The following PPM1H variants were observed in gnomAD, a reference collection of about 807,000 sequenced individuals.
PPM1H encodes protein phosphatase 1H.
A neutral mutation model predicts 54.9 loss-of-function variants in PPM1H; 27 were observed. The observed-to-expected ratio is 0.49, with a 90% CI of 0.36 to 0.68. The LOEUF (loss-of-function observed/expected upper bound fraction) is 0.68. Ranked by LOEUF, PPM1H falls within the 30% of genes least tolerant of loss-of-function variation. The pLI, the probability that PPM1H is intolerant of heterozygous loss-of-function variation, is 0.00. For missense variants in PPM1H, 596 were observed against 667.8 expected, an observed-to-expected ratio of 0.89 and a Z score of 1.19; for synonymous variants, 305 against 270.8, an observed-to-expected ratio of 1.13 and a Z score of -1.24.
intron 1 of PPM1H, among the ~76,000 whole-genome samples, chr12:62,875,447 T>C (rs990543087): frequency 1.3e-5 from 2 of 152,162 alleles, no homozygotes; most frequent in African/African-American, 4.8e-5. Context: ...AGAAAGAGGA[T>C]GGCGAGGAAA....
intron 1 of PPM1H, among the ~76,000 whole-genome samples, chr12:62,898,174 A>G (rs749874392): frequency 1.3e-5 from 2 of 152,254 alleles, no homozygotes; most frequent in Non-Finnish European, 2.9e-5. Context: ...CAATGGATGC[A>G]TAATAGATGC....
At chr12:62,888,210 AC>A (rs1436296708) in intron 1 of PPM1H, among the ~76,000 whole-genome samples, 1 of 152,196 alleles carries the variant, frequency 6.6e-6, no homozygotes, top group Non-Finnish European at 1.5e-5. Context: ...CACTTCATCA[AC>A]TAGGTGGATG....
intron 4 of PPM1H, among the ~76,000 whole-genome samples, chr12:62,740,815 C>A (rs370851448): frequency 6.6e-6 from 1 of 152,172 alleles, no homozygotes. Context: ...AGCATTACAC[C>A]AAATGTGAAG....
chr12:62,878,289 A>G lies in PPM1H; in HGVS notation c.246-46010T>C, dbSNP rs559148838. ...AAAATGTTACCTATACTGAAAAGGA[A>G]ACATGTTCTTCATCCCCGCTTTGAC... is the stretch of plus-strand genomic sequence containing the variant. On this transcript the variant is annotated intron_variant, in intron 1 of 9. Transcript: ENST00000228705. 3.3e-5 allele frequency among the ~76,000 whole-genome samples: 5 copies of G among 152,294 alleles called. No homozygotes were observed. The South Asian group carries it at 1.0e-3, about 32-fold the overall frequency.
At chr12:62,873,090 T>G (rs984675718) in intron 1 of PPM1H, among the ~76,000 whole-genome samples, 1 of 152,212 alleles carries the variant, frequency 6.6e-6, no homozygotes, top group Non-Finnish European at 1.5e-5. Context: ...ACAGACCTGG[T>G]TAGTGGCAGG....
intron 1 of PPM1H, among the ~76,000 whole-genome samples, chr12:62,930,806 T>G (rs961019583): frequency 6.6e-6 from 1 of 151,486 alleles, no homozygotes; most frequent in Non-Finnish European, 1.5e-5. Flanking sequence ...TGCATGTTTT[T>G]AGAAAGATTT....
Position 62,934,439 on chromosome 12 carries a change from G to T in PPM1H, c.245+53C>A. 5.4e-6 allele frequency: 8 copies of T among 1,489,060 alleles called. No homozygotes were observed. Among genetic ancestry groups the T allele is most frequent in the Non-Finnish European group, 7.1e-6 (8 of 1,121,082 alleles). 92.2% of individuals were successfully genotyped at this position (1,489,060 alleles called of 1,614,324 possible). A position where few individuals can be genotyped will look rare whatever the true frequency, so the allele number is the denominator to read the frequency against. On this transcript the variant is annotated intron_variant, in intron 1 of 9. Coordinates refer to ENST00000228705, the MANE Select transcript of PPM1H (RefSeq NM_020700.2). This position sits in a 1 kb window ranked among gnomAD's most constrained non-coding sequence, Gnocchi z 4.2. The stretch of plus-strand genomic sequence containing the variant: ...AGGGAGAGAAGAGGGCTGGAACCGT[G>T]CGGGGAAGGGCCGCGAGGAGAGCAG...
At chr12:62,793,094 C>G (rs1243493532) in intron 3 of PPM1H, among the ~76,000 whole-genome samples, 1 of 152,128 alleles carries the variant, frequency 6.6e-6, no homozygotes, top group African/African-American at 2.4e-5. Context: ...TTTAGAATAT[C>G]TCCCTATTTT....
chr12:62,790,664 G>C (rs1300468905), intron 3 of PPM1H, among the ~76,000 whole-genome samples: 1 of 152,148 alleles, frequency 6.6e-6, no homozygotes, highest in Non-Finnish European at 1.5e-5. Flanking sequence ...GGAGAGAGCT[G>C]GGTAAGAGAT....
chr12:62,818,336 T>G (rs487946), intron 2 of PPM1H, among the ~76,000 whole-genome samples: 48,064 of 152,016 alleles, frequency 0.32, 10,113 homozygotes, highest in African/African-American at 0.6. Flanking sequence ...TTCACCTGAG[T>G]ATGGCAATCA....
intron 1 of PPM1H, among the ~76,000 whole-genome samples, chr12:62,894,760 C>T (rs986366963): frequency 2.6e-5 from 4 of 152,164 alleles, no homozygotes; most frequent in African/African-American, 7.2e-5. Flanking sequence ...TGCTAGGCGC[C>T]GTGGCTCACG....
At position 62,647,859 on chromosome 12, in the gene PPM1H, G is replaced by C. The variant is rs928379648; in HGVS notation, c.*630C>G. On this transcript the variant is annotated 3_prime_UTR_variant, in exon 10 of 10. Transcript: ENST00000228705. ...CAGGGTGTTGGAAAGTCCCAGGCCT[G>C]TTCTGTGGAAGGGGAATAAAAAACA... 7.0e-6 allele frequency: 1 copy of C among 142,754 alleles called. No individual in the cohort carries two copies. The highest frequency in any genetic ancestry group is 2.7e-5 in the African/African-American group (1 of 37,656). The allele number at this position is 142,754 out of a possible 1,614,324, so 8.8% of individuals were successfully genotyped here.
intron 8 of PPM1H, among the ~76,000 whole-genome samples, chr12:62,678,393 G>A (rs761793007): frequency 3.3e-5 from 5 of 152,228 alleles, no homozygotes; most frequent in Non-Finnish European, 7.3e-5. Context: ...CCAATGAGAG[G>A]AAATGTTTGA....
intron 1 of PPM1H, among the ~76,000 whole-genome samples, chr12:62,906,695 A>G (rs756021848): frequency 1.1e-4 from 17 of 152,214 alleles, no homozygotes; most frequent in Middle Eastern, 3.2e-3. Flanking sequence ...CCATGACCCC[A>G]AGGGAAACAA....
At chr12:62,766,017 A>G (rs1416270411) in intron 4 of PPM1H, among the ~76,000 whole-genome samples, 1 of 152,250 alleles carries the variant, frequency 6.6e-6, no homozygotes, top group East Asian at 1.9e-4. Flanking sequence ...CCCACATTGT[A>G]GTAATCTTGG....
intron 2 of PPM1H, among the ~76,000 whole-genome samples, chr12:62,830,547 A>ATG (rs1868342228): frequency 6.6e-6 from 1 of 151,964 alleles, no homozygotes; most frequent in South Asian, 2.1e-4. Context: ...GAGCCACCGC[A>ATG]CCCAGCCTGT....
chr12:62,877,543 ACT>A (rs774778596), intron 1 of PPM1H, among the ~76,000 whole-genome samples: 4 of 151,832 alleles, frequency 2.6e-5, no homozygotes, highest in Admixed American at 2.6e-4. Flanking sequence ...CACTCGATGT[ACT>A]CTCTCTCTCT....
intron 2 of PPM1H, among the ~76,000 whole-genome samples, chr12:62,805,519 A>C (rs1291095670): frequency 6.6e-6 from 1 of 152,248 alleles, no homozygotes; most frequent in Non-Finnish European, 1.5e-5. Context: ...TTATTCAGCC[A>C]CAAAAAGAAG....
intron 5 of PPM1H, among the ~76,000 whole-genome samples, chr12:62,722,812 G>C (rs2076271042): frequency 6.6e-6 from 1 of 152,168 alleles, no homozygotes; most frequent in South Asian, 2.1e-4. Flanking sequence ...CAATGACACA[G>C]AGTTGCGTTA....
Sources: allele counts gnomAD v4.1 joint callset (sites outside exome capture counted in the v4.1 genomes callset), GRCh38; gene constraint gnomAD v4.1.1; non-coding constraint Gnocchi (gnomAD v3.1); transcripts MANE v1.5; gene names NCBI Gene and HGNC (gene_info 2026-07-23, HGNC 2026-07-21).